ZFYVE16: variants seen among roughly 807,000 people sequenced by gnomAD.
ZFYVE16 encodes zinc finger FYVE-type containing 16, also known as zinc finger FYVE domain-containing protein 16.
Under a neutral mutation model 138.1 loss-of-function variants are expected in ZFYVE16, and 89 were observed. The observed-to-expected ratio is 0.64, with a 90% CI of 0.54 to 0.77. The LOEUF (loss-of-function observed/expected upper bound fraction) is 0.77. Among genes scored for constraint, ZFYVE16 ranks in the 30% least tolerant of loss-of-function variants. ZFYVE16 has a pLI of 0.00. For synonymous variants in ZFYVE16, 596 were observed against 618.3 expected, an observed-to-expected ratio of 0.96 and a Z score of 0.53; for missense variants, 1,793 against 1,786.7, an observed-to-expected ratio of 1.00 and a Z score of -0.06.
Position 80,438,856 on chromosome 5 carries a change from A to G in ZFYVE16, c.2171A>G (p.Asp724Gly), listed in dbSNP as rs979189325. 6.2e-7 allele frequency: 1 copy of G among 1,614,118 alleles called. No individual in the cohort carries two copies. Among genetic ancestry groups the G allele is most frequent in the Non-Finnish European group, 8.5e-7 (1 of 1,179,962 alleles). Residue 724 changes from aspartate to glycine, a missense_variant, in exon 4 of 19, where the codon GAT (aspartate) becomes GGT (glycine). Physicochemically the swap from Asp to Gly is moderately conservative, Grantham distance 94. This residue lies in a region of ZFYVE16 where 1,295 missense variants were observed against 1,204.3 expected (regional missense o/e 1.08). Coordinates refer to ENST00000505560, the MANE Select transcript of ZFYVE16 (RefSeq NM_001284236.3). ...GGSSFVTANE[D>G]SVPENTCKEG... ...TCTAGTTTCGTAACTGCAAATGAAG[A>G]TTCTGTACCTGAAAACACTTGCAAA...
chr5:80,426,201 G>GGTGTGTGTGTGGT, intron 1 of ZFYVE16, among the ~76,000 whole-genome samples: 1 of 139,682 alleles, frequency 7.2e-6, no homozygotes, highest in African/African-American at 2.8e-5. Context: ...GTGTGTGTGT[G>GGTGTGTGTGTGGT]GTGTGTGTGT....
At chr5:80,422,975 C>T (rs146582578) in intron 1 of ZFYVE16, among the ~76,000 whole-genome samples, 1 of 152,064 alleles carries the variant, frequency 6.6e-6, no homozygotes, top group African/African-American at 2.4e-5. Context: ...CAATATTGGT[C>T]TGTAGTTTTC....
chr5:80,475,505 T>G (rs1754814416), intron 18 of ZFYVE16, among the ~76,000 whole-genome samples: 1 of 152,194 alleles, frequency 6.6e-6, no homozygotes, highest in African/African-American at 2.4e-5. Context: ...ATACTTTTCT[T>G]TATCCTCCCT....
chr5:80,430,051 A>G (rs1561254254), intron 2 of ZFYVE16, among the ~76,000 whole-genome samples: 1 of 152,184 alleles, frequency 6.6e-6, no homozygotes, highest in Admixed American at 6.5e-5. Context: ...GTTAACAAGG[A>G]TATCCAGGAA....
At position 80,438,562 on chromosome 5, in the gene ZFYVE16, G is replaced by T. The variant is rs1371934535; in HGVS notation, c.1877G>T (p.Ser626Ile). ...CCAGTTCAACAAGGGTTACCTACCA[G>T]TAAGTCTGAGATTACAAATCAATTA... ...TIPVQQGLPT[S>I]KSEITNQLSV... Residue 626 changes from serine to isoleucine, a missense_variant, in exon 4 of 19, where the codon AGT becomes ATT. By Grantham distance (142) the Ser-to-Ile change is moderately radical. This residue lies in a region of ZFYVE16 where 1,295 missense variants were observed against 1,204.3 expected (regional missense o/e 1.08). Transcript: ENST00000505560. 6.2e-7 allele frequency: 1 copy of T among 1,614,120 alleles called. No homozygotes were observed. The highest frequency in any genetic ancestry group is 1.3e-5 in the African/African-American group (1 of 75,052).
Position 80,445,324 on chromosome 5 carries a change from A to G in ZFYVE16, c.2643A>G (p.Glu881=). ...WFADGILPNG[E]VADTTKLSSG... ...CAGATGGTATATTGCCCAATGGTGA[A>G]GTTGCAGATACAACAAAATTATCAT... The change falls in exon 7 of 19, where the codon GAA becomes GAG. Residue 881 remains glutamate (E), a synonymous_variant. Transcript: ENST00000505560. The G allele has an allele frequency of 6.2e-7, 1 of 1,614,052 alleles. No homozygotes were observed. Among genetic ancestry groups the G allele is most frequent in the Non-Finnish European group, 8.5e-7 (1 of 1,179,940 alleles).
chr5:80,441,495 T>C, intron 5 of ZFYVE16: 2 of 985,364 alleles, frequency 2.0e-6, no homozygotes, highest in African/African-American at 3.5e-5. Context: ...TAAATAAAAG[T>C]TAATACCAGC....
chr5:80,436,358 G>A (rs1749905664), intron 3 of ZFYVE16, among the ~76,000 whole-genome samples: 1 of 152,116 alleles, frequency 6.6e-6, no homozygotes, highest in African/African-American at 2.4e-5. Flanking sequence ...CAAAGATCAA[G>A]GACATCAAAT....
At position 80,437,950 on chromosome 5, in the gene ZFYVE16, T is replaced by G; in HGVS notation, c.1265T>G (p.Val422Gly). ...CATGAAGAAATACAGAACAGTGTTG[T>G]TCTAGGTGGGGAACCATTCAAAGAG... ...TIHEEIQNSV[V>G]LGGEPFKEND... is the part of the protein sequence containing the mutation. The change falls in exon 4 of 19, where the codon GTT (valine) becomes GGT (glycine). Residue 422 changes from valine to glycine, a missense_variant. Transcript: ENST00000505560. 1.2e-6 allele frequency: 2 copies of G among 1,613,970 alleles called. No individual in the cohort carries two copies. The highest frequency in any genetic ancestry group is 3.3e-5 in the Admixed American group (2 of 59,996).
intron 1 of ZFYVE16, among the ~76,000 whole-genome samples, chr5:80,419,973 G>A (rs554541366): frequency 3.4e-5 from 5 of 149,088 alleles, no homozygotes; most frequent in Non-Finnish European, 7.4e-5. Flanking sequence ...CACCACGCCT[G>A]GCTAATTTTT....
intron 16 of ZFYVE16, 100 bp downstream of exon 16, chr5:80,473,023 C>T (rs762479622): frequency 3.7e-5 from 40 of 1,069,638 alleles, no homozygotes; most frequent in Non-Finnish European, 5.0e-5. Flanking sequence ...CGAATATATA[C>T]TTATACCATC....
chr5:80,451,522 TGA>T lies in ZFYVE16; in HGVS notation c.3424_3425del (p.Ser1142PhefsTer4). ...IENLDNITFTESFLSSKDHGG... is the reference protein window; with the variant it reads ...IENLDNITFTXSFLSSKDHGG... The stretch of plus-strand genomic sequence containing the variant: ...AAAACTTGGACAATATTACCTTTAC[TGA>T]GAGTTTTCTCAGTAGCAAGGATCAC... On this transcript the variant is annotated frameshift_variant, in exon 11 of 19. Coordinates refer to ENST00000505560, the MANE Select transcript of ZFYVE16 (RefSeq NM_001284236.3). LOFTEE classifies it high-confidence loss of function. 3 of 1,613,532 alleles carry T rather than the reference TGA, an allele frequency of 1.9e-6. No homozygotes were observed. Among genetic ancestry groups the T allele is most frequent in the Non-Finnish European group, 2.5e-6 (3 of 1,179,816 alleles).
chr5:80,438,999 T>C lies in ZFYVE16; in HGVS notation c.2314T>C (p.Cys772Arg), dbSNP rs1314307292. 1.2e-6 allele frequency: 2 copies of C among 1,600,840 alleles called. No individual in the cohort carries two copies. Among genetic ancestry groups the C allele is most frequent in the African/African-American group, 1.4e-5 (1 of 74,050 alleles). ...CAAACGGCGACACCATTGCCGAGCATGTGGGAAAGTAAGTTATAAAAATCT... is the reference window on the plus strand; with the variant it reads ...CAAACGGCGACACCATTGCCGAGCACGTGGGAAAGTAAGTTATAAAAATCT... ...FTKRRHHCRA[C>R]GKVFCGVCCN... is the part of the protein sequence containing the mutation. Residue 772 changes from cysteine to arginine, a missense_variant, in exon 4 of 19, where the codon TGT (cysteine) becomes CGT (arginine). By Grantham distance (180) the Cys-to-Arg change is radical (BLOSUM62 -3). This residue lies in a region of ZFYVE16 where 1,295 missense variants were observed against 1,204.3 expected (regional missense o/e 1.08). Coordinates refer to ENST00000505560, the MANE Select transcript of ZFYVE16 (RefSeq NM_001284236.3).
At chr5:80,426,461 A>G (rs531369197) in intron 1 of ZFYVE16, among the ~76,000 whole-genome samples, 13 of 113,332 alleles carry the variant, frequency 1.1e-4, no homozygotes, top group African/African-American at 4.5e-4. Flanking sequence ...CCCCCACCCC[A>G]GCAGGCCCCA....
At position 80,440,039 on chromosome 5, in the gene ZFYVE16, A is replaced by G. The variant is rs168939; in HGVS notation, c.2419+7A>G. Reference sequence around the variant, plus strand: ...TATGAAACTATTAGTAAAGGTGAGTATTAACTTGATATATTTTCTTCCAGT... The same window carrying G: ...TATGAAACTATTAGTAAAGGTGAGTGTTAACTTGATATATTTTCTTCCAGT... On this transcript the variant is annotated splice_region_variant and intron_variant, in intron 5 of 18. Coordinates refer to ENST00000505560, the MANE Select transcript of ZFYVE16 (RefSeq NM_001284236.3). The G allele has an allele frequency of 0.88, 1,404,714 of 1,595,344 alleles. 627,987 individuals carry two copies. Among genetic ancestry groups the G allele is most frequent in the East Asian group, 0.94 (41,624 of 44,078 alleles).
chr5:80,447,148 C>T (rs1449535927), intron 7 of ZFYVE16, among the ~76,000 whole-genome samples: 3 of 151,354 alleles, frequency 2.0e-5, no homozygotes, highest in Middle Eastern at 3.2e-3. Flanking sequence ...CCTGTAGTCT[C>T]AGCTACTAGG....
intron 15 of ZFYVE16, among the ~76,000 whole-genome samples, chr5:80,461,158 A>G (rs1023617192): frequency 6.6e-6 from 1 of 152,202 alleles, no homozygotes; most frequent in Non-Finnish European, 1.5e-5. Context: ...AGAGCATTTC[A>G]GATTTCACCT....
rs1750033825 is a variant in ZFYVE16 at position 80,437,097 on chromosome 5, C to T, written c.412C>T (p.His138Tyr). 6.2e-7 allele frequency: 1 copy of T among 1,614,066 alleles called. No homozygotes were observed. Among genetic ancestry groups the T allele is most frequent in the Non-Finnish European group, 8.5e-7 (1 of 1,179,984 alleles). The stretch of plus-strand genomic sequence containing the variant: ...GATAAGTGACATGGGTAACTTAGTT[C>T]ATGCAACCAATAGTGAAGAAGATAT... ...DLISDMGNLV[H>Y]ATNSEEDIKK... The change falls in exon 4 of 19, where the codon CAT (histidine) becomes TAT (tyrosine). Residue 138 changes from histidine (H) to tyrosine (Y), a missense_variant. Transcript: ENST00000505560.
In ZFYVE16 at chr5:80,440,973, C is replaced by T. The variant is rs1383831285; in HGVS notation, c.2419+941C>T. 3 of 985,246 alleles carry T rather than the reference C, an allele frequency of 3.0e-6. No individual in the cohort carries two copies. The African/African-American group carries it at 5.2e-5, about 17-fold the overall frequency. 61.0% of individuals were successfully genotyped at this position (985,246 alleles called of 1,614,324 possible). A position where few individuals can be genotyped will look rare whatever the true frequency, so the allele number is the denominator to read the frequency against. ...AGCCTGAGGTAAGCTGCTTTTCTCC[C>T]TGCTGTTGACCTCTGCTCTGGAAGA... On this transcript the variant is annotated intron_variant, in intron 5 of 18. Coordinates refer to ENST00000505560, the MANE Select transcript of ZFYVE16 (RefSeq NM_001284236.3).
Sources: gnomAD v4.1 joint callset for allele counts (sites outside exome capture counted in the v4.1 genomes callset) on GRCh38, gnomAD v4.1.1 for gene constraint, gnomAD v4.1.1 regional missense constraint, MANE v1.5 for transcripts, NCBI Gene and HGNC (gene_info 2026-07-23, HGNC 2026-07-21) for gene names.